The following MGST1 variants were observed in gnomAD, a reference collection of about 807,000 sequenced individuals.
The protein encoded by MGST1 is glutathione S-transferase 12.
In MGST1, 5 loss-of-function variants were observed where a neutral mutation model predicts 8.9. The ratio of observed to expected loss-of-function variants is 0.56; its 90% CI spans 0.29 to 1.19. The LOEUF is 1.19. Ranked by LOEUF, MGST1 falls within the 50% of genes most tolerant of loss-of-function variation. The pLI is 0.08. For synonymous variants in MGST1, 54 were observed against 67.8 expected (o/e 0.80, Z 1.00); for missense variants, 182 against 187.4 (o/e 0.97, Z 0.17).
At chr12:16,376,181 A>T (rs1339589700) in exon 4 of MGST1, 4 of 986,718 alleles carry the variant, frequency 4.1e-6, no homozygotes, top group Non-Finnish European at 6.0e-6. Flanking sequence ...ACTCGGCATA[A>T]CCAATTGCTG....
intron 4 of MGST1, among the ~76,000 whole-genome samples, chr12:16,545,339 A>G (rs1941816633): frequency 6.6e-6 from 1 of 152,098 alleles, no homozygotes; most frequent in Admixed American, 6.6e-5. Flanking sequence ...ATTATATTTT[A>G]TGCACCGATG....
At chr12:16,421,922 A>C (rs1337845851) in intron 1 of MGST1, among the ~76,000 whole-genome samples, 1 of 152,162 alleles carries the variant, frequency 6.6e-6, no homozygotes, top group Non-Finnish European at 1.5e-5. Context: ...GGATGTTGAC[A>C]TATCTGGATT....
chr12:16,588,707 A>G (rs926957126), intron 4 of MGST1, among the ~76,000 whole-genome samples: 8 of 152,272 alleles, frequency 5.3e-5, no homozygotes, highest in Admixed American at 1.3e-4. Flanking sequence ...TAAAGTGCAC[A>G]TATTTAGACA....
chr12:16,441,744 A>G (rs1323474025), downstream of MGST1, among the ~76,000 whole-genome samples: 2 of 151,852 alleles, frequency 1.3e-5, no homozygotes, highest in African/African-American at 4.8e-5. Flanking sequence ...CACCTACTGA[A>G]GAACATTTTG....
rs1942336314 is a variant in MGST1 at position 16,560,039 on chromosome 12, A to G, written n.483-29489A>G. Among the ~76,000 whole-genome samples, 1 of 152,142 alleles carries G rather than the reference A, an allele frequency of 6.6e-6. No individual in the cohort carries two copies. The highest frequency in any genetic ancestry group is 1.5e-5 in the Non-Finnish European group (1 of 68,024). ...ATAAGAATATAAAATACCTGCAACA[A>G]ATTCCTGTATATTTGCTTCATTGCC... On this transcript the variant is annotated intron_variant and non_coding_transcript_variant, in intron 4 of 4. Coordinates refer to the MGST1 transcript ENST00000538857. The surrounding 1 kb of genome is among the most constrained non-coding windows in gnomAD (Gnocchi z 5.0).
intron 4 of MGST1, among the ~76,000 whole-genome samples, chr12:16,554,500 C>A (rs1942111950): frequency 1.3e-5 from 2 of 152,162 alleles, no homozygotes; most frequent in South Asian, 4.1e-4. Context: ...CTCCACTATA[C>A]ACCTGTGAAC....
intron 4 of MGST1, among the ~76,000 whole-genome samples, chr12:16,569,423 T>C (rs1942733176): frequency 6.6e-6 from 1 of 152,184 alleles, no homozygotes; most frequent in Non-Finnish European, 1.5e-5. Flanking sequence ...CACCTGACTC[T>C]TAAAAGTTGC....
At chr12:16,474,942 T>C (rs1422811358) in intron 4 of MGST1, among the ~76,000 whole-genome samples, 3 of 152,146 alleles carry the variant, frequency 2.0e-5, no homozygotes, top group African/African-American at 7.2e-5. Flanking sequence ...TGGGAGTCAA[T>C]ATACCACTCA....
intron 4 of MGST1, among the ~76,000 whole-genome samples, chr12:16,553,652 C>A (rs1237294331): frequency 6.6e-6 from 1 of 151,962 alleles, no homozygotes; most frequent in Admixed American, 6.6e-5. Context: ...AACAAAACAG[C>A]CTTGAAAGCT....
chr12:16,378,964 A>G (rs992487014), downstream of MGST1, among the ~76,000 whole-genome samples: 1 of 152,100 alleles, frequency 6.6e-6, no homozygotes, highest in African/African-American at 2.4e-5. Context: ...TTATTCGTGT[A>G]TAAGAATGCT....
At position 16,401,436 on chromosome 12, in the gene MGST1, G is replaced by T. The variant is rs1940654988; in HGVS notation, n.778+17832G>T. 5 of 864,836 alleles carry T rather than the reference G, an allele frequency of 5.8e-6. No homozygotes were observed. In the Admixed American group the frequency reaches 6.9e-5, roughly 12 times the overall value. 53.6% of individuals were successfully genotyped at this position (864,836 alleles called of 1,614,324 possible). The stretch of plus-strand genomic sequence containing the variant: ...GCTTCTGCTTTTTAGCCACGTCCAT[G>T]ACAGCATTATATACATCACATATCT... On this transcript the variant is annotated intron_variant and non_coding_transcript_variant, in intron 1 of 1. Coordinates refer to the MGST1 transcript ENST00000359720. This position sits in a 1 kb window ranked among gnomAD's most constrained non-coding sequence, Gnocchi z 4.3.
intron 4 of MGST1, among the ~76,000 whole-genome samples, chr12:16,472,666 AT>A (rs937102308): frequency 6.6e-6 from 1 of 152,160 alleles, no homozygotes; most frequent in African/African-American, 2.4e-5. Flanking sequence ...ATTTGTTTTT[AT>A]GTATATTGAG....
rs1940652988 is a variant in MGST1, at chr12:16,401,224, G to T, written n.778+17620G>T. The T allele has an allele frequency of 6.4e-6, 10 of 1,568,454 alleles. No individual in the cohort carries two copies. Among genetic ancestry groups the T allele is most frequent in the East Asian group, 4.5e-5 (2 of 44,572 alleles). On this transcript the variant is annotated intron_variant and non_coding_transcript_variant, in intron 1 of 1. Transcript: ENST00000359720. The surrounding 1 kb of genome is among the most constrained non-coding windows in gnomAD (Gnocchi z 4.3). ...AAGCACTGTGTCACTAAGGAACAGG[G>T]CATAGGTTTTCTCTTCTGGCTTTTT...
At chr12:16,567,561 T>A (rs1024836567) in intron 4 of MGST1, 1 of 151,858 alleles carries the variant, frequency 6.6e-6, no homozygotes, top group Non-Finnish European at 1.5e-5. Flanking sequence ...TGAAAGAAGG[T>A]CATCGTGGGA....
chr12:16,414,008 C>A (rs1202546746), intron 1 of MGST1, among the ~76,000 whole-genome samples: 1 of 151,898 alleles, frequency 6.6e-6, no homozygotes, highest in East Asian at 1.9e-4. Context: ...GTAGAATCAA[C>A]AACTAAGTAT....
chr12:16,534,162 T>C (rs1941739841), intron 4 of MGST1, among the ~76,000 whole-genome samples: 1 of 152,076 alleles, frequency 6.6e-6, no homozygotes, highest in Non-Finnish European at 1.5e-5. Flanking sequence ...CAATAAAAAA[T>C]CATTGATAAA....
intron 4 of MGST1, among the ~76,000 whole-genome samples, chr12:16,486,000 G>C (rs536330491): frequency 6.6e-6 from 1 of 152,268 alleles, no homozygotes; most frequent in Non-Finnish European, 1.5e-5. Context: ...AACATGCCAA[G>C]CACTGCTCTT....
At chr12:16,400,477 A>C in intron 1 of MGST1, 2 of 797,764 alleles carry the variant, frequency 2.5e-6, no homozygotes, top group Non-Finnish European at 4.6e-6. Context: ...ATTGATCACC[A>C]GTGAGTCTTG....
intron 2 of MGST1, among the ~76,000 whole-genome samples, chr12:16,356,964 T>C (rs1939743472): frequency 1.3e-5 from 2 of 152,236 alleles, no homozygotes; most frequent in Non-Finnish European, 1.5e-5. Context: ...TCAACATCAC[T>C]GTGAAAAAGA....
Sources: allele counts gnomAD v4.1 joint callset (sites outside exome capture counted in the v4.1 genomes callset), GRCh38; gene constraint gnomAD v4.1.1; non-coding constraint Gnocchi (gnomAD v3.1); transcripts MANE v1.5; gene names NCBI Gene and HGNC (gene_info 2026-07-23, HGNC 2026-07-21).